Variants in TANC2 observed in about 807,000 individuals in gnomAD.
TANC2 encodes tetratricopeptide repeat, ankyrin repeat and coiled-coil containing 2.
TANC2 carries 26 observed loss-of-function variants against 210.5 expected under a neutral mutation model. That is an observed-to-expected ratio of 0.12 (90% CI 0.09 to 0.17). TANC2 has a LOEUF of 0.17. Among genes scored for constraint, TANC2 ranks in the 10% least tolerant of loss-of-function variants. The pLI, the probability that TANC2 is intolerant of heterozygous loss-of-function variation, is 1.00. For synonymous variants in TANC2, 931 were observed against 967.1 expected (o/e 0.96, Z 0.69); for missense variants, 2,129 against 2,608.9 (o/e 0.82, Z 4.01).
chr17:63,179,082 G>T (rs896926227), intron 5 of TANC2, among the ~76,000 whole-genome samples: 3 of 152,054 alleles, frequency 2.0e-5, no homozygotes, highest in African/African-American at 4.8e-5. Flanking sequence ...TCCTCTTTTT[G>T]AGGGGGCCTG....
intron 14 of TANC2, among the ~76,000 whole-genome samples, chr17:63,367,158 C>CT (rs1427535433): frequency 6.6e-6 from 1 of 152,224 alleles, no homozygotes; most frequent in Non-Finnish European, 1.5e-5. Flanking sequence ...CTTGTACCCA[C>CT]TTGCTTGGTT....
rs199798264 is a variant in TANC2, at chr17:63,123,868, A to AT, written c.322+24519dup. On this transcript the variant is annotated intron_variant, in intron 4 of 27. Transcript: ENST00000689528. ...AGGTACCTGCCACCACGCCCAGCTG[A>AT]TTTTTTTTATTTTTAGTAGAGATGG... is the stretch of plus-strand genomic sequence containing the variant. Among the ~76,000 whole-genome samples, 1,398 of 150,902 alleles carry AT rather than the reference A, an allele frequency of 9.3e-3. 22 individuals are homozygous for AT. Among genetic ancestry groups the AT allele is most frequent in the African/African-American group, 0.03 (1,230 of 41,152 alleles).
At chr17:63,395,633 T>G in intron 17 of TANC2, 110 bp from the exon 18 acceptor site, 12 of 972,878 alleles carry the variant, frequency 1.2e-5, no homozygotes, top group Non-Finnish European at 1.7e-5. Flanking sequence ...GTTCCAGGAG[T>G]GGAAAGGATG....
At chr17:63,024,141 C>G (rs1368601698) in intron 2 of TANC2, among the ~76,000 whole-genome samples, 1 of 152,072 alleles carries the variant, frequency 6.6e-6, no homozygotes, top group African/African-American at 2.4e-5. Flanking sequence ...GGTCCCGATC[C>G]AGAGCCCAAG....
chr17:63,421,555 A>G lies in TANC2; in HGVS notation c.5825A>G (p.Tyr1942Cys). 6.2e-7 allele frequency: 1 copy of G among 1,613,892 alleles called. No individual in the cohort carries two copies. The highest frequency in any genetic ancestry group is 8.5e-7 in the Non-Finnish European group (1 of 1,179,860). Reference sequence around the variant, plus strand: ...GATAAAACAGCACGGACTCAGCAGTACCCCCACCTCCACCAGCAGAATCGG... The same window carrying G: ...GATAAAACAGCACGGACTCAGCAGTGCCCCCACCTCCACCAGCAGAATCGG... Residue 1942 changes from tyrosine (Y) to cysteine (C), a missense_variant, in exon 28 of 28, where the codon TAC (tyrosine) becomes TGC (cysteine). Transcript: ENST00000689528. This position sits in a 1 kb window ranked among gnomAD's most constrained non-coding sequence, Gnocchi z 6.9.
chr17:63,052,529 G>A (rs1221038976), intron 2 of TANC2, among the ~76,000 whole-genome samples: 1 of 152,092 alleles, frequency 6.6e-6, no homozygotes, highest in Non-Finnish European at 1.5e-5. Context: ...TATTATTTAG[G>A]ATTTTTATGG....
rs2146052635 is a variant in TANC2, at chr17:63,237,803, T to C, written c.770-11T>C. 3 of 1,531,892 alleles carry C rather than the reference T, an allele frequency of 2.0e-6. No homozygotes were observed. The highest frequency in any genetic ancestry group is 2.6e-6 in the Non-Finnish European group (3 of 1,140,042). The allele number at this position is 1,531,892 out of a possible 1,614,324, so 94.9% of individuals were successfully genotyped here. A position where few individuals can be genotyped will look rare whatever the true frequency, so the allele number is the denominator to read the frequency against. On this transcript the variant is annotated splice_polypyrimidine_tract_variant and intron_variant, in intron 7 of 27. Coordinates refer to ENST00000689528, the Ensembl canonical transcript of TANC2. Reference sequence around the variant, plus strand: ...GGCTTTATTAAATTCATTTTACTCTTTTTTTTTCAGCTACATTAACAAGCT... The same window carrying C: ...GGCTTTATTAAATTCATTTTACTCTCTTTTTTTCAGCTACATTAACAAGCT...
At chr17:63,066,130 T>C (rs1215721398) in intron 2 of TANC2, among the ~76,000 whole-genome samples, 1 of 152,124 alleles carries the variant, frequency 6.6e-6, no homozygotes, top group Admixed American at 6.5e-5. Flanking sequence ...AGCTGGAGCC[T>C]TGGCCCTCAG....
At chr17:63,296,292 A>G (rs2044533779) in intron 9 of TANC2, among the ~76,000 whole-genome samples, 2 of 152,180 alleles carry the variant, frequency 1.3e-5, no homozygotes, top group Admixed American at 1.3e-4. Flanking sequence ...AATCTGTCAG[A>G]TCACTGGCTG....
intron 2 of TANC2, among the ~76,000 whole-genome samples, chr17:63,038,527 T>C (rs2035062293): frequency 6.6e-6 from 1 of 152,184 alleles, no homozygotes; most frequent in Non-Finnish European, 1.5e-5. Flanking sequence ...AGTAATTCCG[T>C]CCTCATAAAA....
chr17:63,279,155 G>A (rs1436537124), intron 9 of TANC2, among the ~76,000 whole-genome samples: 6 of 152,122 alleles, frequency 3.9e-5, no homozygotes, highest in African/African-American at 9.7e-5. Context: ...GCACTGAAAC[G>A]TGAAGGTGAG....
At chr17:62,982,059 A>T (rs2032331143) in intron 1 of TANC2, among the ~76,000 whole-genome samples, 1 of 147,844 alleles carries the variant, frequency 6.8e-6, no homozygotes, top group Non-Finnish European at 1.5e-5. Flanking sequence ...TTGGCCGCTG[A>T]TGGAAGTAAG....
chr17:63,345,695 G>A (rs529971872), intron 12 of TANC2, among the ~76,000 whole-genome samples: 2 of 150,130 alleles, frequency 1.3e-5, no homozygotes, highest in Non-Finnish European at 3.0e-5. Context: ...GAAATGCAAA[G>A]TACCAAAAAT....
At chr17:63,097,405 A>G (rs565403687) in intron 3 of TANC2, among the ~76,000 whole-genome samples, 1 of 152,072 alleles carries the variant, frequency 6.6e-6, no homozygotes. Context: ...GTTGTTCTTT[A>G]TACCTTCTAT....
intron 3 of TANC2, among the ~76,000 whole-genome samples, chr17:63,082,137 C>T (rs373953818): frequency 6.6e-6 from 1 of 152,194 alleles, no homozygotes; most frequent in South Asian, 2.1e-4. Context: ...TGCCACTACA[C>T]TCCAGCCTGG....
At chr17:63,068,725 T>G (rs2036292220) in intron 2 of TANC2, among the ~76,000 whole-genome samples, 1 of 152,100 alleles carries the variant, frequency 6.6e-6, no homozygotes, top group Admixed American at 6.5e-5. Context: ...TGTGGAGGCA[T>G]ATATATGTAA....
chr17:63,086,121 C>T (rs995340187), intron 3 of TANC2, among the ~76,000 whole-genome samples: 3 of 151,488 alleles, frequency 2.0e-5, no homozygotes, highest in Non-Finnish European at 2.9e-5. Context: ...CTTTGCTTTC[C>T]TGTAGGTAAG....
At chr17:63,313,421 A>G (rs1282487696) in intron 9 of TANC2, 1 of 152,172 alleles carries the variant, frequency 6.6e-6, no homozygotes, top group Non-Finnish European at 1.5e-5. Flanking sequence ...TACCATCAAT[A>G]TAATTAGTAG....
chr17:63,002,620 T>C (rs72843149), intron 1 of TANC2, among the ~76,000 whole-genome samples: 4,278 of 152,320 alleles, frequency 0.028, 89 homozygotes, highest in Non-Finnish European at 0.046. Context: ...ACCATCATCC[T>C]AGAAAGGTTC....
Sources: gnomAD v4.1 joint callset for allele counts (sites outside exome capture counted in the v4.1 genomes callset) on GRCh38, gnomAD v4.1.1 for gene constraint, Gnocchi (gnomAD v3.1) non-coding constraint, MANE v1.5 for transcripts, NCBI Gene and HGNC (gene_info 2026-07-23, HGNC 2026-07-21) for gene names.